The following KALRN variants were observed in gnomAD, a reference collection of about 807,000 sequenced individuals.
KALRN encodes the protein kalirin.
In KALRN, 70 loss-of-function variants were observed where a neutral mutation model predicts 353.7. That is an observed-to-expected ratio of 0.20 (90% CI 0.16 to 0.24). The LOEUF is 0.24. Among genes scored for constraint, KALRN ranks in the 10% least tolerant of loss-of-function variants. KALRN has a pLI of 1.00. For synonymous variants in KALRN, 1,391 were observed against 1,434.8 expected (o/e 0.97, Z 0.69); for missense variants, 2,791 against 3,756.7 (o/e 0.74, Z 6.72).
In KALRN at chr3:124,587,698, C is replaced by CTTTTTTTTTTTTTTT. The variant is rs529810541; in HGVS notation, c.5182+24620_5182+24634dup. Among the ~76,000 whole-genome samples, 28 of 75,860 alleles carry CTTTTTTTTTTTTTTT rather than the reference C, an allele frequency of 3.7e-4. 1 individual carries two copies. The highest frequency in any genetic ancestry group is 1.1e-3 in the African/African-American group (18 of 15,788). The allele number at this position is 75,860 out of a possible 152,430, so 49.8% of individuals were successfully genotyped here. A position where few individuals can be genotyped will look rare whatever the true frequency, so the allele number is the denominator to read the frequency against. ...TTTTTCCCTCCACCCCCACCCTCCA[C>CTTTTTTTTTTTTTTT]TTTTTTTTTTTTTTTTTTTTTTTTT... On this transcript the variant is annotated intron_variant, in intron 34 of 59. Coordinates refer to ENST00000682506, the MANE Select transcript of KALRN (RefSeq NM_001388419.1).
intron 1 of KALRN, among the ~76,000 whole-genome samples, chr3:124,206,540 A>G (rs1036943909): frequency 6.6e-6 from 1 of 152,188 alleles, no homozygotes. Flanking sequence ...AATAGTCACC[A>G]CTATGGATAT....
At chr3:124,330,366 G>A (rs539249652) in intron 8 of KALRN, among the ~76,000 whole-genome samples, 53 of 152,048 alleles carry the variant, frequency 3.5e-4, no homozygotes, top group Middle Eastern at 3.4e-3. Flanking sequence ...ATGAAGCTGT[G>A]CTTCTCTGGA....
At position 124,334,478 on chromosome 3, in the gene KALRN, C is replaced by A; in HGVS notation, c.1630C>A (p.Gln544Lys). Residue 544 changes from glutamine (Q) to lysine (K), a missense_variant, in exon 9 of 60, where the codon CAG becomes AAG. Gln to Lys is a moderately conservative substitution (Grantham distance 53). Coordinates refer to ENST00000682506, the MANE Select transcript of KALRN (RefSeq NM_001388419.1). The surrounding 1 kb of genome is among the most constrained non-coding windows in gnomAD (Gnocchi z 4.2). ...LHQRLQLCVF[Q>K]QDVQQVLDWI... ...CCAGCGGCTGCAGCTCTGCGTCTTC[C>A]AGCAGGATGTACAGCAGGTAACAGG... 1 of 1,613,336 alleles carries A rather than the reference C, an allele frequency of 6.2e-7. No individual in the cohort carries two copies. Among genetic ancestry groups the A allele is most frequent in the South Asian group, 1.1e-5 (1 of 91,054 alleles).
intron 1 of KALRN, among the ~76,000 whole-genome samples, chr3:124,098,453 T>A (rs2061604534): frequency 1.3e-5 from 2 of 152,240 alleles, no homozygotes; most frequent in African/African-American, 4.8e-5. Context: ...TTGCCCTGCC[T>A]TAGTTTCTTG....
chr3:124,491,273 C>T (rs1315136855), intron 30 of KALRN, 50 bp from the exon 31 acceptor site: 3 of 1,055,874 alleles, frequency 2.8e-6, no homozygotes, highest in Non-Finnish European at 4.0e-6. Flanking sequence ...CCCTAAGTTT[C>T]CCCACTGCCC....
intron 1 of KALRN, among the ~76,000 whole-genome samples, chr3:124,176,602 A>T (rs544294785): frequency 6.6e-6 from 1 of 152,262 alleles, no homozygotes; most frequent in African/African-American, 2.4e-5. Context: ...GACAAGCAGG[A>T]GAAGCTAGGA....
Position 124,632,459 on chromosome 3 carries a change from C to T in KALRN, c.5222C>T (p.Ser1741Phe), listed in dbSNP as rs1419236808. ...SHSSSENGGK[S>F]ESVANLQAQP... ...TCCTCAAGCGAGAATGGAGGCAAGT[C>T]CGAGTCCGTGGCCAACCTGCAGGCC... Residue 1741 changes from serine (S) to phenylalanine (F), a missense_variant, in exon 35 of 60, where the codon TCC becomes TTC. Ser to Phe is a radical substitution (Grantham distance 155, BLOSUM62 -2). Transcript: ENST00000682506. The T allele has an allele frequency of 1.2e-6, 2 of 1,613,868 alleles. No homozygotes were observed. Among genetic ancestry groups the T allele is most frequent in the East Asian group, 2.2e-5 (1 of 44,890 alleles).
chr3:124,362,754 G>T (rs1168279107), intron 10 of KALRN, among the ~76,000 whole-genome samples: 1 of 152,272 alleles, frequency 6.6e-6, no homozygotes, highest in Non-Finnish European at 1.5e-5. Context: ...CCAAGGGAAG[G>T]AAGCCATGGA....
intron 44 of KALRN, among the ~76,000 whole-genome samples, chr3:124,661,386 C>T (rs1266343053): frequency 6.6e-6 from 1 of 152,246 alleles, no homozygotes; most frequent in Non-Finnish European, 1.5e-5. Flanking sequence ...CTGCAGACTA[C>T]TTCCAAGTGA....
chr3:124,321,859 A>G (rs1408027210), intron 6 of KALRN, among the ~76,000 whole-genome samples: 1 of 152,168 alleles, frequency 6.6e-6, no homozygotes, highest in African/African-American at 2.4e-5. Context: ...TGCAGGGTAG[A>G]TTGTGTCTAT....
chr3:124,490,280 G>T (rs953064066), intron 29 of KALRN, among the ~76,000 whole-genome samples: 2 of 152,134 alleles, frequency 1.3e-5, no homozygotes, highest in Non-Finnish European at 2.9e-5. Flanking sequence ...ACATAAAGAG[G>T]AGCTGAAGAC....
At chr3:124,291,498 G>A (rs917705223) in intron 5 of KALRN, among the ~76,000 whole-genome samples, 2 of 152,152 alleles carry the variant, frequency 1.3e-5, no homozygotes, top group Non-Finnish European at 2.9e-5. Flanking sequence ...ATGTAAGAGG[G>A]GAAAGGGTTT....
chr3:124,592,140 A>G (rs1440227318), intron 34 of KALRN, among the ~76,000 whole-genome samples: 2 of 151,888 alleles, frequency 1.3e-5, no homozygotes, highest in Non-Finnish European at 2.9e-5. Context: ...CGTCTCTACT[A>G]AAAATACAAA....
chr3:124,701,385 TTTC>T (rs539497993), intron 56 of KALRN, among the ~76,000 whole-genome samples: 1,202 of 110,404 alleles, frequency 0.011, 28 homozygotes, highest in African/African-American at 0.041. Flanking sequence ...TCTTTCTTTC[TTTC>T]TTTTTTTTTT....
chr3:124,663,122 T>A (rs1200359439), intron 45 of KALRN, among the ~76,000 whole-genome samples: 1 of 152,188 alleles, frequency 6.6e-6, no homozygotes, highest in Non-Finnish European at 1.5e-5. Context: ...ATTTTTTGTA[T>A]TTTTAGTAGA....
At chr3:124,094,729 C>A (rs2061324581) in intron 1 of KALRN, 2 of 886,944 alleles carry the variant, frequency 2.3e-6, no homozygotes, top group African/African-American at 1.6e-5. Flanking sequence ...TTGCTTAGAG[C>A]AGGCTGTGTG....
intron 10 of KALRN, among the ~76,000 whole-genome samples, chr3:124,382,844 C>T (rs1301329566): frequency 1.3e-5 from 2 of 152,142 alleles, no homozygotes; most frequent in African/African-American, 4.8e-5. Context: ...TTTAACCTGA[C>T]CTACAGCCGT....
chr3:124,271,012 TA>T (rs1407599999), intron 5 of KALRN, among the ~76,000 whole-genome samples: 2 of 152,018 alleles, frequency 1.3e-5, no homozygotes, highest in Non-Finnish European at 2.9e-5. Context: ...TGTATTTTTT[TA>T]GTAGAGACGG....
At chr3:124,251,448 C>G (rs1437361992) in intron 3 of KALRN, among the ~76,000 whole-genome samples, 6 of 148,738 alleles carry the variant, frequency 4.0e-5, no homozygotes, top group African/African-American at 1.5e-4. Context: ...TGGCTTACTG[C>G]CACCTCCACC....
Sources: gnomAD v4.1 joint callset for allele counts (sites outside exome capture counted in the v4.1 genomes callset) on GRCh38, gnomAD v4.1.1 for gene constraint, Gnocchi (gnomAD v3.1) non-coding constraint, MANE v1.5 for transcripts, NCBI Gene and HGNC (gene_info 2026-07-23, HGNC 2026-07-21) for gene names.